VIP: variants seen among roughly 807,000 people sequenced by gnomAD.
The protein encoded by VIP is VIP peptides.
A neutral mutation model predicts 20.1 loss-of-function variants in VIP; 18 were observed. The ratio of observed to expected loss-of-function variants is 0.90; its 90% confidence interval spans 0.62 to 1.33. The LOEUF is 1.33. Among genes scored for constraint, VIP ranks in the 40% most tolerant of loss-of-function variants. The pLI, the probability that VIP is intolerant of heterozygous loss-of-function variation, is 0.00. For missense variants in VIP, 209 were observed against 199.4 expected (o/e 1.05, Z -0.29); for synonymous variants, 70 against 68.1 (o/e 1.03, Z -0.14).
Position 152,757,071 on chromosome 6 carries a change from T to C in VIP, c.468-25T>C. 5 of 1,610,278 alleles carry C rather than the reference T, an allele frequency of 3.1e-6. 1 individual carries two copies. Among genetic ancestry groups the C allele is most frequent in the South Asian group, 2.2e-5 (2 of 90,750 alleles). Reference sequence around the variant, plus strand: ...CCTTTCTCATCTGAGAGCCTTAATATGTACAATGTTTTTCTGGTCTGCAGC... The same window carrying C: ...CCTTTCTCATCTGAGAGCCTTAATACGTACAATGTTTTTCTGGTCTGCAGC... On this transcript the variant is annotated intron_variant, in intron 5 of 6. Transcript: ENST00000367244.
chr6:152,755,042 GTTTC>G (rs897872179), intron 3 of VIP, among the ~76,000 whole-genome samples: 1 of 151,820 alleles, frequency 6.6e-6, no homozygotes, highest in Non-Finnish European at 1.5e-5. Flanking sequence ...AGAAATGCCT[GTTTC>G]TTTAATTTTT....
Position 152,755,318 on chromosome 6 carries a change from T to C in VIP, c.280T>C (p.Leu94=). 1 of 1,596,136 alleles carries C rather than the reference T, an allele frequency of 6.3e-7. No individual in the cohort carries two copies. Among genetic ancestry groups the C allele is most frequent in the Non-Finnish European group, 8.5e-7 (1 of 1,171,062 alleles). ...GVFTSDFSKL[L]GQLSAKKYLE... ...TTTCACCAGTGACTTCAGTAAACTC[T>C]TGGGTCAACTTTCTGCCAAAAAGTA... is the stretch of plus-strand genomic sequence containing the variant. Residue 94 remains leucine (L), a synonymous_variant, in exon 4 of 7, where the codon TTG becomes CTG. Transcript: ENST00000367244.
At chr6:152,753,853 T>G (rs2099730018) in intron 2 of VIP, among the ~76,000 whole-genome samples, 1 of 152,090 alleles carries the variant, frequency 6.6e-6, no homozygotes, top group Non-Finnish European at 1.5e-5. Context: ...AGTGAAGATA[T>G]TCTTGGCATA....
At chr6:152,753,168 C>A (rs559694924) in intron 2 of VIP, among the ~76,000 whole-genome samples, 2 of 152,040 alleles carry the variant, frequency 1.3e-5, no homozygotes, top group East Asian at 3.9e-4. Context: ...ACAGCTCCTG[C>A]GTTGCTTTGA....
At chr6:152,752,480 G>C (rs1236838871) in intron 2 of VIP, among the ~76,000 whole-genome samples, 196 bp downstream of exon 2, 2 of 152,106 alleles carry the variant, frequency 1.3e-5, no homozygotes, top group Non-Finnish European at 2.9e-5. Context: ...GGGCATGAGA[G>C]ACACTGTCAG....
intron 1 of VIP, 87 bp from the exon 2 acceptor site, chr6:152,752,081 G>C: frequency 1.2e-6 from 1 of 847,174 alleles, no homozygotes; most frequent in East Asian, 2.5e-5. Context: ...CTCTGCAAGA[G>C]CCATTGAAAA....
rs1043620896 is a variant in VIP, at chr6:152,759,494, C to G, written c.*628C>G. 1 of 151,004 alleles carries G rather than the reference C, an allele frequency of 6.6e-6. No individual in the cohort carries two copies. The highest frequency in any genetic ancestry group is 1.5e-5 in the Non-Finnish European group (1 of 67,940). The allele number at this position is 151,004 out of a possible 1,614,324, so 9.4% of individuals were successfully genotyped here. A position where few individuals can be genotyped will look rare whatever the true frequency, so the allele number is the denominator to read the frequency against. On this transcript the variant is annotated 3_prime_UTR_variant, in exon 7 of 7. Transcript: ENST00000367244. ...TTTGGATTGCTAATCACCAAAGGCT[C>G]TCTCCTGATAGTCTTTCAGTTAAGG...
chr6:152,757,408 A>T (rs1489208756), intron 6 of VIP, among the ~76,000 whole-genome samples: 1 of 151,922 alleles, frequency 6.6e-6, no homozygotes, highest in Admixed American at 6.6e-5. Context: ...CACAATAAGC[A>T]AACGTTTTGA....
chr6:152,752,212 T>C lies in VIP; in HGVS notation c.35T>C (p.Leu12Pro). The change falls in exon 2 of 7, where the codon CTC (leucine) becomes CCC (proline). Residue 12 changes from leucine to proline, a missense_variant. Leu to Pro is a moderately conservative substitution (Grantham distance 98). Coordinates refer to ENST00000367244, the MANE Select transcript of VIP (RefSeq NM_003381.4). ...AGAAATAAGGCCCAGCTCCTTGTGC[T>C]CCTGACTCTTCTCAGTGTGCTCTTC... ...DTRNKAQLLV[L>P]LTLLSVLFSQ... 6.2e-7 allele frequency: 1 copy of C among 1,613,520 alleles called. No individual in the cohort carries two copies. Among genetic ancestry groups the C allele is most frequent in the East Asian group, 2.2e-5 (1 of 44,838 alleles).
chr6:152,754,632 A>G (rs1219269660), intron 3 of VIP, among the ~76,000 whole-genome samples: 1 of 151,990 alleles, frequency 6.6e-6, no homozygotes, highest in Non-Finnish European at 1.5e-5. Flanking sequence ...TATATAAAGA[A>G]AAGATACCTG....
At chr6:152,757,396 C>T (rs891241587) in intron 6 of VIP, among the ~76,000 whole-genome samples, 1 of 151,854 alleles carries the variant, frequency 6.6e-6, no homozygotes, top group African/African-American at 2.4e-5. Context: ...AAAGAGAGCA[C>T]TCACAATAAG....
At chr6:152,753,510 G>A (rs1283599753) in intron 2 of VIP, among the ~76,000 whole-genome samples, 2 of 152,008 alleles carry the variant, frequency 1.3e-5, no homozygotes, top group Admixed American at 6.6e-5. Flanking sequence ...CCTTATTAAA[G>A]TTGTGTTAAT....
chr6:152,754,849 G>A (rs1363567031), intron 3 of VIP, among the ~76,000 whole-genome samples: 1 of 151,852 alleles, frequency 6.6e-6, no homozygotes, highest in Non-Finnish European at 1.5e-5. Flanking sequence ...GTGTACTGGG[G>A]TTTATGAACT....
intron 3 of VIP, 62 bp from the exon 4 acceptor site, chr6:152,755,207 C>T: frequency 9.2e-7 from 1 of 1,088,110 alleles, no homozygotes; most frequent in Non-Finnish European, 1.3e-6. Flanking sequence ...TTTAATAAGC[C>T]ATAATAATAT....
intron 6 of VIP, 73 bp downstream of exon 6, chr6:152,757,257 A>C: frequency 1.0e-6 from 1 of 954,802 alleles, no homozygotes; most frequent in Non-Finnish European, 1.6e-6. Flanking sequence ...AGAGTCACTT[A>C]GTAAGAAACA....
At chr6:152,757,426 A>G (rs183019919) in intron 6 of VIP, among the ~76,000 whole-genome samples, 22 of 152,036 alleles carry the variant, frequency 1.4e-4, no homozygotes, top group African/African-American at 3.9e-4. Context: ...TGAGATCTGA[A>G]TAGTGTTCCT....
chr6:152,752,513 G>A (rs1252685584), intron 2 of VIP, among the ~76,000 whole-genome samples: 2 of 151,992 alleles, frequency 1.3e-5, no homozygotes, highest in Non-Finnish European at 2.9e-5. Flanking sequence ...TGGGCTGAGT[G>A]GATCACATTC....
At chr6:152,756,073 ATGTG>A in intron 4 of VIP, 57 bp from the exon 5 acceptor site, 2 of 1,398,276 alleles carry the variant, frequency 1.4e-6, no homozygotes, top group Non-Finnish European at 1.9e-6. Flanking sequence ...AACCTGGAAC[ATGTG>A]TGTATTTATC....
At chr6:152,751,726 C>T (rs906323778) in intron 1 of VIP, among the ~76,000 whole-genome samples, 6 of 151,966 alleles carry the variant, frequency 3.9e-5, no homozygotes, top group South Asian at 4.2e-4. Context: ...TGCACACACA[C>T]GAGCAGAATA....
Sources: gnomAD v4.1 joint callset for allele counts (sites outside exome capture counted in the v4.1 genomes callset) on GRCh38, gnomAD v4.1.1 for gene constraint, MANE v1.5 for transcripts, NCBI Gene and HGNC (gene_info 2026-07-23, HGNC 2026-07-21) for gene names.